LIN54: variants seen among roughly 807,000 people sequenced by gnomAD.
LIN54 encodes the protein protein lin-54 homolog.
A neutral mutation model predicts 78.7 loss-of-function variants in LIN54; 9 were observed. The observed-to-expected ratio is 0.11, with a 90% CI of 0.07 to 0.20. LIN54 has a LOEUF of 0.20. Among genes scored for constraint, LIN54 ranks in the 10% least tolerant of loss-of-function variants. The pLI is 1.00. For synonymous variants in LIN54, 269 were observed against 318.4 expected (o/e 0.84, Z 1.65); for missense variants, 573 against 889.9 (o/e 0.64, Z 4.53).
At chr4:82,970,880 C>T (rs1237023167) in intron 3 of LIN54, among the ~76,000 whole-genome samples, 1 of 152,128 alleles carries the variant, frequency 6.6e-6, no homozygotes, top group South Asian at 2.1e-4. Context: ...CATGAAGGTA[C>T]AATTGAAATC....
At chr4:82,953,545 T>C (rs1224316449) in intron 4 of LIN54, among the ~76,000 whole-genome samples, 1 of 152,020 alleles carries the variant, frequency 6.6e-6, no homozygotes, top group African/African-American at 2.4e-5. Flanking sequence ...GGAGGATCAT[T>C]TAAGGCCAGG....
intron 4 of LIN54, among the ~76,000 whole-genome samples, chr4:82,969,105 T>C (rs1036456926): frequency 6.6e-6 from 1 of 152,194 alleles, no homozygotes; most frequent in South Asian, 2.1e-4. Flanking sequence ...CACCCTCGGC[T>C]CTCACACTGC....
At chr4:83,011,113 T>C (rs2126120836), upstream of LIN54, among the ~76,000 whole-genome samples, 1 of 152,318 alleles carries the variant, frequency 6.6e-6, no homozygotes, top group South Asian at 2.1e-4. Flanking sequence ...CCAAACTCTT[T>C]CATTTTCAGA....
rs1553958258 is a variant in LIN54 at position 82,995,485 on chromosome 4, A to ATTTT, written c.-32-10610_-32-10609insAAAA. ...GACTGTCTTATGATTACACATCCTT[A>ATTTT]TCTCTTTTTTTTTTTTTTTTTTTTT... On this transcript the variant is annotated intron_variant, in intron 1 of 12. Transcript: ENST00000340417. Among the ~76,000 whole-genome samples, 4 of 95,046 alleles carry ATTTT rather than the reference A, an allele frequency of 4.2e-5. 1 individual carries two copies. 62.4% of individuals were successfully genotyped at this position (95,046 alleles called of 152,430 possible).
At chr4:83,006,648 C>CT (rs1459132757) in intron 1 of LIN54, among the ~76,000 whole-genome samples, 3 of 151,562 alleles carry the variant, frequency 2.0e-5, no homozygotes, top group Non-Finnish European at 4.4e-5. Flanking sequence ...CCTTTAAAGT[C>CT]TATGTTCAAG....
chr4:82,952,393 G>A (rs1265511834), intron 4 of LIN54, among the ~76,000 whole-genome samples: 1 of 152,126 alleles, frequency 6.6e-6, no homozygotes, highest in Non-Finnish European at 1.5e-5. Context: ...CTAATTATTA[G>A]GGAAATACAA....
At chr4:82,999,027 T>C (rs1215571575) in intron 1 of LIN54, among the ~76,000 whole-genome samples, 4 of 152,224 alleles carry the variant, frequency 2.6e-5, no homozygotes, top group Admixed American at 2.0e-4. Context: ...TATACTATTG[T>C]AATAATATTG....
At chr4:82,945,256 CT>C (rs1029142825) in intron 5 of LIN54, among the ~76,000 whole-genome samples, 3 of 152,196 alleles carry the variant, frequency 2.0e-5, no homozygotes, top group Admixed American at 2.0e-4. Flanking sequence ...CCATCAACTG[CT>C]TCTTGACATT....
chr4:82,939,110 T>C (rs1441225349), intron 7 of LIN54, among the ~76,000 whole-genome samples: 2 of 152,230 alleles, frequency 1.3e-5, no homozygotes, highest in African/African-American at 2.4e-5. Flanking sequence ...GCTGAAGATA[T>C]GTCACCTGGA....
At chr4:83,005,358 C>A (rs1281972640) in intron 1 of LIN54, among the ~76,000 whole-genome samples, 2 of 151,868 alleles carry the variant, frequency 1.3e-5, no homozygotes, top group Non-Finnish European at 2.9e-5. Flanking sequence ...AAAACAGGGG[C>A]CGGGCACGGT....
chr4:82,973,094 C>G (rs1285967060), intron 3 of LIN54, among the ~76,000 whole-genome samples: 1 of 151,612 alleles, frequency 6.6e-6, no homozygotes, highest in Non-Finnish European at 1.5e-5. Flanking sequence ...AGTAATAAAA[C>G]TTTTACTATC....
chr4:83,002,487 G>A (rs1024642785), intron 1 of LIN54, among the ~76,000 whole-genome samples: 6 of 148,252 alleles, frequency 4.0e-5, no homozygotes. Context: ...AGGAGGGAGG[G>A]AGGCAGGGGA....
chr4:83,010,883 C>T (rs1405687579), upstream of LIN54: 2 of 1,180,068 alleles, frequency 1.7e-6, no homozygotes, highest in South Asian at 4.3e-5. Flanking sequence ...CGCACACCCA[C>T]ATATCCGGGG....
chr4:82,935,108 C>T (rs1441371139), intron 11 of LIN54, among the ~76,000 whole-genome samples: 5 of 151,988 alleles, frequency 3.3e-5, no homozygotes, highest in Admixed American at 3.3e-4. Flanking sequence ...TGCCAGATCC[C>T]CCTTTCCTAT....
chr4:82,969,351 T>C (rs1313076416), intron 4 of LIN54, among the ~76,000 whole-genome samples: 4 of 152,252 alleles, frequency 2.6e-5, no homozygotes, highest in African/African-American at 7.2e-5. Flanking sequence ...TCAGTCTAAC[T>C]ACCTTATTGA....
At chr4:82,970,564 GTATGT>G in intron 3 of LIN54, 95 bp from the exon 4 acceptor site, 1 of 1,131,218 alleles carries the variant, frequency 8.8e-7, no homozygotes, top group East Asian at 2.5e-5. Flanking sequence ...ACTGCAGAAT[GTATGT>G]TTGTTATTTC....
chr4:82,976,613 C>T (rs1644256827), intron 3 of LIN54, among the ~76,000 whole-genome samples: 1 of 152,088 alleles, frequency 6.6e-6, no homozygotes, highest in South Asian at 2.1e-4. Context: ...GAGGCTGAGG[C>T]AGGAGAATCG....
intron 11 of LIN54, among the ~76,000 whole-genome samples, chr4:82,935,349 C>T (rs943140422): frequency 2.0e-5 from 3 of 151,170 alleles, no homozygotes; most frequent in African/African-American, 7.3e-5. Flanking sequence ...AGTGCAGTGC[C>T]ATGATCTCGG....
chr4:82,932,561 G>A (rs2126029240), intron 11 of LIN54, among the ~76,000 whole-genome samples: 1 of 149,450 alleles, frequency 6.7e-6, no homozygotes, highest in South Asian at 2.2e-4. Flanking sequence ...GCTCACGCCT[G>A]AAATCCCAGC....
Sources: gnomAD v4.1 joint callset for allele counts (sites outside exome capture counted in the v4.1 genomes callset) on GRCh38, gnomAD v4.1.1 for gene constraint, MANE v1.5 for transcripts, NCBI Gene and HGNC (gene_info 2026-07-23, HGNC 2026-07-21) for gene names.